The following SGCZ variants were observed in gnomAD, a reference collection of about 807,000 sequenced individuals.
The protein encoded by SGCZ is sarcoglycan zeta.
Under a neutral mutation model 41.3 loss-of-function variants are expected in SGCZ, and 40 were observed. That is an observed-to-expected ratio of 0.97 (90% CI 0.75 to 1.26). The LOEUF is 1.26. Among genes scored for constraint, SGCZ ranks in the 50% most tolerant of loss-of-function variants. The probability of loss-of-function intolerance (pLI) is 0.00; values close to 1 mark genes in which losing one functional copy is unlikely to be tolerated. For missense variants in SGCZ, 552 were observed against 369.8 expected (o/e 1.49, Z -4.04); for synonymous variants, 206 against 137.5 (o/e 1.50, Z -3.49).
At chr8:15,192,120 G>C (rs1800562598) in intron 1 of SGCZ, among the ~76,000 whole-genome samples, 1 of 151,924 alleles carries the variant, frequency 6.6e-6, no homozygotes, top group Admixed American at 6.6e-5. Context: ...CCCAGTAATG[G>C]GAATATTCTT....
chr8:15,168,967 T>A (rs1485229537), intron 1 of SGCZ, among the ~76,000 whole-genome samples: 1 of 152,190 alleles, frequency 6.6e-6, no homozygotes, highest in Non-Finnish European at 1.5e-5. Flanking sequence ...CTGTGTAAAC[T>A]GGTAAAAGGC....
At chr8:14,884,501 T>TAG in intron 1 of SGCZ, among the ~76,000 whole-genome samples, 4 of 152,198 alleles carry the variant, frequency 2.6e-5, no homozygotes, top group Middle Eastern at 3.4e-3. Context: ...AGACCTAACA[T>TAG]ACACTGGGTG....
At chr8:15,065,100 C>T (rs938799270) in intron 1 of SGCZ, among the ~76,000 whole-genome samples, 1 of 152,114 alleles carries the variant, frequency 6.6e-6, no homozygotes, top group Non-Finnish European at 1.5e-5. Context: ...ATAATTTCCC[C>T]TTGGTCTCAC....
At chr8:14,396,772 T>A (rs1798931631) in intron 2 of SGCZ, among the ~76,000 whole-genome samples, 1 of 152,054 alleles carries the variant, frequency 6.6e-6, no homozygotes, top group Non-Finnish European at 1.5e-5. Flanking sequence ...ATAGTGAGCT[T>A]TCAGTTGACG....
intron 1 of SGCZ, among the ~76,000 whole-genome samples, chr8:14,847,126 A>AAAG (rs61002020): frequency 0.16 from 19,621 of 126,140 alleles, 1,567 homozygotes; most frequent in Non-Finnish European, 0.19. Context: ...GAAGAAGAAG[A>AAAG]AAGAAGAAGA....
chr8:15,064,851 A>G (rs1451665794), intron 1 of SGCZ, among the ~76,000 whole-genome samples: 1 of 152,118 alleles, frequency 6.6e-6, no homozygotes, highest in East Asian at 1.9e-4. Context: ...TTCTGTGTAG[A>G]GAGAGCAGGA....
intron 5 of SGCZ, among the ~76,000 whole-genome samples, chr8:14,147,886 TTAA>T (rs1318235186): frequency 1.3e-5 from 2 of 151,910 alleles, no homozygotes; most frequent in Admixed American, 6.6e-5. Context: ...AAACTAGAAA[TTAA>T]TAATAAGAGG....
intron 2 of SGCZ, among the ~76,000 whole-genome samples, chr8:14,333,645 G>T (rs1802412299): frequency 6.6e-6 from 1 of 152,086 alleles, no homozygotes; most frequent in Non-Finnish European, 1.5e-5. Context: ...GAAACACACT[G>T]TGTCTAATAC....
chr8:15,216,922 G>A (rs1801422923), intron 1 of SGCZ, among the ~76,000 whole-genome samples: 1 of 152,106 alleles, frequency 6.6e-6, no homozygotes, highest in African/African-American at 2.4e-5. Context: ...TTCTGCACAT[G>A]GGATTAGGGT....
At chr8:14,618,439 G>C (rs1806177818) in intron 1 of SGCZ, among the ~76,000 whole-genome samples, 1 of 152,114 alleles carries the variant, frequency 6.6e-6, no homozygotes, top group African/African-American at 2.4e-5. Context: ...GTCCAGTATA[G>C]AGGTCCTAAG....
chr8:14,105,304 T>C (rs1259706435), intron 6 of SGCZ, among the ~76,000 whole-genome samples: 3 of 152,134 alleles, frequency 2.0e-5, no homozygotes, highest in Admixed American at 6.5e-5. Context: ...ACTACATTTC[T>C]TCACCAAAAT....
chr8:14,179,282 C>G (rs933502426), intron 4 of SGCZ, among the ~76,000 whole-genome samples: 3 of 152,216 alleles, frequency 2.0e-5, no homozygotes, highest in Non-Finnish European at 4.4e-5. Context: ...CCTGTACATG[C>G]AGCCGTATCC....
chr8:14,134,490 GTGCCTGTAAT>G (rs1484461023), intron 5 of SGCZ, among the ~76,000 whole-genome samples: 3 of 152,168 alleles, frequency 2.0e-5, no homozygotes, highest in Non-Finnish European at 4.4e-5. Flanking sequence ...CAAATTAACT[GTGCCTGTAAT>G]TTCCTGTGTC....
At chr8:14,894,508 G>C (rs561537545) in intron 1 of SGCZ, among the ~76,000 whole-genome samples, 13 of 152,210 alleles carry the variant, frequency 8.5e-5, no homozygotes, top group African/African-American at 3.1e-4. Context: ...CTTCAAATTT[G>C]CTCCCCAAGG....
At chr8:15,103,950 C>A (rs1208310614) in intron 1 of SGCZ, among the ~76,000 whole-genome samples, 1 of 152,150 alleles carries the variant, frequency 6.6e-6, no homozygotes, top group Admixed American at 6.6e-5. Flanking sequence ...ATAGAGCAAT[C>A]CAGGCAACAG....
At chr8:14,413,946 C>G (rs935911159) in intron 2 of SGCZ, among the ~76,000 whole-genome samples, 3 of 151,950 alleles carry the variant, frequency 2.0e-5, no homozygotes, top group Non-Finnish European at 4.4e-5. Flanking sequence ...TACTTTTCTG[C>G]AAGACTGGTT....
At chr8:14,659,897 A>G (rs1807693783) in intron 1 of SGCZ, among the ~76,000 whole-genome samples, 1 of 152,234 alleles carries the variant, frequency 6.6e-6, no homozygotes, top group South Asian at 2.1e-4. Context: ...GCCCTAATCC[A>G]GTATGACTGA....
intron 4 of SGCZ, among the ~76,000 whole-genome samples, chr8:14,234,552 A>C (rs995048946): frequency 4.6e-5 from 7 of 152,056 alleles, no homozygotes. Flanking sequence ...TTACTTAGAA[A>C]ATGAAGAGTA....
chr8:14,927,333 T>C (rs1256399300), intron 1 of SGCZ, among the ~76,000 whole-genome samples: 1 of 151,948 alleles, frequency 6.6e-6, no homozygotes, highest in Admixed American at 6.6e-5. Flanking sequence ...ATGGTGTCGA[T>C]TTCCTGTCCT....
Sources: gnomAD v4.1 joint callset for allele counts (sites outside exome capture counted in the v4.1 genomes callset) on GRCh38, gnomAD v4.1.1 for gene constraint, MANE v1.5 for transcripts, NCBI Gene and HGNC (gene_info 2026-07-23, HGNC 2026-07-21) for gene names.